ZNF521: variants seen among roughly 807,000 people sequenced by gnomAD.
The protein encoded by ZNF521 is zinc finger protein 521, also known as LYST-interacting protein 3.
A neutral mutation model predicts 105.5 loss-of-function variants in ZNF521; 14 were observed. That is an observed-to-expected ratio of 0.13 (90% CI 0.09 to 0.21). The LOEUF (loss-of-function observed/expected upper bound fraction) is 0.21, where lower values mean the gene tolerates loss of function less well. Among genes scored for constraint, ZNF521 ranks in the 10% least tolerant of loss-of-function variants. The pLI is 1.00. For synonymous variants in ZNF521, 635 were observed against 606.0 expected (o/e 1.05, Z -0.70); for missense variants, 1,233 against 1,629.7 (o/e 0.76, Z 4.19).
chr18:25,117,466 T>C (rs1245084575), intron 5 of ZNF521, among the ~76,000 whole-genome samples: 1 of 152,124 alleles, frequency 6.6e-6, no homozygotes, highest in Admixed American at 6.6e-5. Context: ...TTAACTTAGA[T>C]GTTAGAACTA....
At chr18:25,201,127 C>T (rs927814448) in intron 4 of ZNF521, 5 of 151,822 alleles carry the variant, frequency 3.3e-5, no homozygotes, top group African/African-American at 1.2e-4. Flanking sequence ...TGTACCAGAG[C>T]TGGGTCTCAG....
At chr18:25,096,491 C>T (rs1410293917) in intron 5 of ZNF521, among the ~76,000 whole-genome samples, 1 of 152,174 alleles carries the variant, frequency 6.6e-6, no homozygotes, top group Non-Finnish European at 1.5e-5. Flanking sequence ...TAACACAAGA[C>T]ACTGACATTT....
At chr18:25,105,010 A>G (rs1247789775) in intron 5 of ZNF521, among the ~76,000 whole-genome samples, 1 of 152,220 alleles carries the variant, frequency 6.6e-6, no homozygotes, top group Non-Finnish European at 1.5e-5. Flanking sequence ...TAAAGAATTA[A>G]AAATAAAATA....
At chr18:25,252,513 T>A (rs1043237310) in intron 3 of ZNF521, among the ~76,000 whole-genome samples, 1 of 152,148 alleles carries the variant, frequency 6.6e-6, no homozygotes, top group Non-Finnish European at 1.5e-5. Context: ...AGGACTACAT[T>A]GCAACTTATT....
At chr18:25,210,408 T>TA (rs954804785) in intron 4 of ZNF521, among the ~76,000 whole-genome samples, 6 of 152,166 alleles carry the variant, frequency 3.9e-5, no homozygotes, top group Admixed American at 3.9e-4. Flanking sequence ...GCAATCTCCC[T>TA]ATAACAAAAA....
At chr18:25,148,361 G>C (rs1319554199) in intron 5 of ZNF521, among the ~76,000 whole-genome samples, 1 of 152,262 alleles carries the variant, frequency 6.6e-6, no homozygotes, top group Non-Finnish European at 1.5e-5. Context: ...CTGGAAATGG[G>C]ATAAAGTTCA....
rs1252595791 is a variant in ZNF521, at chr18:25,308,971, A to G, written c.220+13037T>C. Among the ~76,000 whole-genome samples, 6 of 152,266 alleles carry G rather than the reference A, an allele frequency of 3.9e-5. No individual in the cohort carries two copies. In the East Asian group the frequency reaches 9.7e-4, roughly 25 times the overall value. ...ACTTGTCAGTTGTAGTCTGGTGTTC[A>G]TAAGAAGAAAGCTATCACTATATAG... On this transcript the variant is annotated intron_variant, in intron 3 of 7. Coordinates refer to ENST00000361524, the MANE Select transcript of ZNF521 (RefSeq NM_015461.3).
At chr18:25,230,876 T>C (rs1454669331) in intron 3 of ZNF521, among the ~76,000 whole-genome samples, 1 of 152,196 alleles carries the variant, frequency 6.6e-6, no homozygotes, top group Non-Finnish European at 1.5e-5. Context: ...CAAATGTGTG[T>C]GCATGGTTAG....
chr18:25,311,475 C>CA (rs1912303878), intron 3 of ZNF521, among the ~76,000 whole-genome samples: 3 of 151,762 alleles, frequency 2.0e-5, no homozygotes, highest in African/African-American at 7.3e-5. Flanking sequence ...CCCTTATGTG[C>CA]ACACAACTGT....
intron 3 of ZNF521, among the ~76,000 whole-genome samples, chr18:25,308,012 G>T (rs1290739590): frequency 6.6e-6 from 1 of 151,850 alleles, no homozygotes; most frequent in Non-Finnish European, 1.5e-5. Flanking sequence ...GACCAGCCTG[G>T]CCAACATGGC....
chr18:25,244,550 T>C (rs1172434523), intron 3 of ZNF521, among the ~76,000 whole-genome samples: 4 of 152,186 alleles, frequency 2.6e-5, no homozygotes, highest in African/African-American at 9.7e-5. Context: ...GAGTCTTTGT[T>C]CTGGAAGTGA....
chr18:25,115,451 A>G (rs1245212821), intron 5 of ZNF521, among the ~76,000 whole-genome samples: 1 of 152,202 alleles, frequency 6.6e-6, no homozygotes, highest in East Asian at 1.9e-4. Flanking sequence ...CGAATAAAAA[A>G]AAACAGAAAA....
At chr18:25,125,521 G>A (rs1180858558) in intron 5 of ZNF521, among the ~76,000 whole-genome samples, 2 of 151,926 alleles carry the variant, frequency 1.3e-5, no homozygotes, top group Non-Finnish European at 1.5e-5. Flanking sequence ...GTGTGTATGT[G>A]TATATGTGTG....
rs200619989 is a variant in ZNF521, at chr18:25,344,204, TAA to T, written c.40+6701_40+6702del. 1.6e-4 allele frequency among the ~76,000 whole-genome samples: 22 copies of T among 141,314 alleles called. 1 individual carries two copies. Among genetic ancestry groups the T allele is most frequent in the Admixed American group, 8.5e-4 (12 of 14,198 alleles). The allele number at this position is 141,314 out of a possible 152,430, so 92.7% of individuals were successfully genotyped here. On this transcript the variant is annotated intron_variant, in intron 2 of 7. Coordinates refer to ENST00000361524, the MANE Select transcript of ZNF521 (RefSeq NM_015461.3). Reference sequence around the variant, plus strand: ...GGTGCCTAAAATTAAAGTTTTTTATTAAAAAAAAAAAAAAAGCTGCGATTCTA... The same window carrying T: ...GGTGCCTAAAATTAAAGTTTTTTATTAAAAAAAAAAAAAGCTGCGATTCTA...
intron 3 of ZNF521, among the ~76,000 whole-genome samples, chr18:25,267,510 A>T (rs906931198): frequency 6.6e-6 from 1 of 152,138 alleles, no homozygotes; most frequent in Non-Finnish European, 1.5e-5. Context: ...TGGTGGACAG[A>T]CACCTCATAC....
At chr18:25,167,342 AATAGGCTG>A (rs2144545381) in intron 5 of ZNF521, among the ~76,000 whole-genome samples, 1 of 152,362 alleles carries the variant, frequency 6.6e-6, no homozygotes, top group South Asian at 2.1e-4. Flanking sequence ...CTTCTACAGT[AATAGGCTG>A]AATTTTTAAA....
At chr18:25,287,301 C>T (rs962255221) in intron 3 of ZNF521, among the ~76,000 whole-genome samples, 2 of 152,152 alleles carry the variant, frequency 1.3e-5, no homozygotes, top group Admixed American at 6.5e-5. Flanking sequence ...ATGCCAACAA[C>T]GTACATATTG....
intron 3 of ZNF521, among the ~76,000 whole-genome samples, chr18:25,284,169 C>A (rs962093175): frequency 1.3e-5 from 2 of 152,100 alleles, no homozygotes; most frequent in Non-Finnish European, 2.9e-5. Context: ...AGTGCACACA[C>A]AAGGAGGATA....
intron 5 of ZNF521, among the ~76,000 whole-genome samples, chr18:25,157,216 A>C (rs761727312): frequency 6.6e-6 from 1 of 152,070 alleles, no homozygotes; most frequent in Non-Finnish European, 1.5e-5. Context: ...AAAATAAAAA[A>C]AAGCAAATAA....
Sources: gnomAD v4.1 joint callset for allele counts (sites outside exome capture counted in the v4.1 genomes callset) on GRCh38, gnomAD v4.1.1 for gene constraint, MANE v1.5 for transcripts, NCBI Gene and HGNC (gene_info 2026-07-23, HGNC 2026-07-21) for gene names.